The following PCDHGA3 variants were observed in gnomAD, a reference collection of about 807,000 sequenced individuals.
PCDHGA3 encodes the protein protocadherin gamma subfamily A, 3, also known as protocadherin gamma-A3.
A neutral mutation model predicts 58.5 loss-of-function variants in PCDHGA3; 40 were observed. That is an observed-to-expected ratio of 0.68 (90% CI 0.53 to 0.89). The LOEUF (loss-of-function observed/expected upper bound fraction) is 0.89, where lower values mean the gene tolerates loss of function less well. Ranked by LOEUF, PCDHGA3 falls within the 40% of genes least tolerant of loss-of-function variation. PCDHGA3 has a pLI of 0.00. For missense variants in PCDHGA3, 1,223 were observed against 1,195.9 expected, an observed-to-expected ratio of 1.02 and a Z score of -0.33; for synonymous variants, 530 against 525.7, an observed-to-expected ratio of 1.01 and a Z score of -0.11.
chr5:141,487,467 T>C lies in PCDHGA3; in HGVS notation c.2425-7340T>C. ...GATGACCCTATCAAGTTTGTTGATG[T>C]GGGAGGCCACTCTCATGGCTGTACA... On this transcript the variant is annotated intron_variant, in intron 1 of 3. Transcript: ENST00000253812. The surrounding 1 kb of genome is among the most constrained non-coding windows in gnomAD (Gnocchi z 5.0). 6.2e-7 allele frequency: 1 copy of C among 1,614,186 alleles called. No individual in the cohort carries two copies. The highest frequency in any genetic ancestry group is 8.5e-7 in the Non-Finnish European group (1 of 1,180,026).
rs766078622 is a variant in PCDHGA3, at chr5:141,346,265, C to A, written c.2232C>A (p.Asp744Glu). Residue 744 changes from aspartate to glutamate, a missense_variant, in exon 1 of 4, where the codon GAC becomes GAA. This residue lies in a region of PCDHGA3 where 325 missense variants were observed against 327.5 expected (regional missense o/e 0.99). Transcript: ENST00000253812. ...STPGSHFVGA[D>E]GVRAFLQTYS... ...CCGGCTCGCACTTTGTGGGCGCGGACGGGGTTCGGGCTTTCCTGCAGACCT... is the reference window on the plus strand; with the variant it reads ...CCGGCTCGCACTTTGTGGGCGCGGAAGGGGTTCGGGCTTTCCTGCAGACCT... 4 of 1,614,172 alleles carry A rather than the reference C, an allele frequency of 2.5e-6. No homozygotes were observed. Among genetic ancestry groups the A allele is most frequent in the Non-Finnish European group, 2.5e-6 (3 of 1,180,022 alleles).
chr5:141,488,714 A>G (rs2099678684), intron 1 of PCDHGA3, among the ~76,000 whole-genome samples: 1 of 152,192 alleles, frequency 6.6e-6, no homozygotes, highest in Non-Finnish European at 1.5e-5. Flanking sequence ...TGGTTCAAGC[A>G]AAGTGGTGGA....
At chr5:141,498,338 G>A (rs2237079) in intron 2 of PCDHGA3, among the ~76,000 whole-genome samples, 68,665 of 151,630 alleles carry the variant, frequency 0.45, 15,766 homozygotes, top group Admixed American at 0.55. Flanking sequence ...CATTCCAAAT[G>A]GGAAAAGCCT....
intron 1 of PCDHGA3, chr5:141,388,815 A>G: frequency 1.2e-6 from 2 of 1,613,992 alleles, no homozygotes; most frequent in Non-Finnish European, 1.7e-6. Flanking sequence ...TGAAGAAGTC[A>G]AAGAATATTC....
At chr5:141,393,275 C>T (rs769641711) in intron 1 of PCDHGA3, 4 of 1,613,828 alleles carry the variant, frequency 2.5e-6, no homozygotes, top group East Asian at 4.5e-5. Context: ...GTTATCCACT[C>T]CCAGAAGCTG....
At chr5:141,362,741 T>C in intron 1 of PCDHGA3, 1 of 734,108 alleles carries the variant, frequency 1.4e-6, no homozygotes, top group Non-Finnish European at 2.2e-6. Flanking sequence ...TATTTACCCA[T>C]GATTGCAAAC....
chr5:141,496,287 C>T (rs768553690), intron 2 of PCDHGA3, among the ~76,000 whole-genome samples: 3 of 152,200 alleles, frequency 2.0e-5, no homozygotes, highest in Non-Finnish European at 4.4e-5. Flanking sequence ...TTGGTCTGAG[C>T]AGAGTGGGAT....
Position 141,487,870 on chromosome 5 carries a change from C to A in PCDHGA3, c.2425-6937C>A. On this transcript the variant is annotated intron_variant, in intron 1 of 3. Transcript: ENST00000253812. This position sits in a 1 kb window ranked among gnomAD's most constrained non-coding sequence, Gnocchi z 5.0. ...AATGAAAGTAATTGGTGATCAAGAGCCAGGCTGTTGTGGAAGCATGATGAT... is the reference window on the plus strand; with the variant it reads ...AATGAAAGTAATTGGTGATCAAGAGACAGGCTGTTGTGGAAGCATGATGAT... 3.5e-6 allele frequency: 3 copies of A among 865,052 alleles called. No individual in the cohort carries two copies. The highest frequency in any genetic ancestry group is 5.3e-6 in the Non-Finnish European group (3 of 568,628). The allele number at this position is 865,052 out of a possible 1,614,324, so 53.6% of individuals were successfully genotyped here.
At chr5:141,448,139 C>A (rs1486636157) in intron 1 of PCDHGA3, among the ~76,000 whole-genome samples, 1 of 151,884 alleles carries the variant, frequency 6.6e-6, no homozygotes, top group African/African-American at 2.4e-5. Context: ...CCTCACTATA[C>A]CTCAGACTCA....
At position 141,344,094 on chromosome 5, in the gene PCDHGA3, G is replaced by C. The variant is rs1253860852; in HGVS notation, c.61G>C (p.Gly21Arg). 6.2e-7 allele frequency: 1 copy of C among 1,613,658 alleles called. No individual in the cohort carries two copies. Among genetic ancestry groups the C allele is most frequent in the African/African-American group, 1.3e-5 (1 of 75,056 alleles). Reference sequence around the variant, plus strand: ...ACTGGCCCTGCTGTGCGCGCTCCTGGGGACGCTGTGCGAAACAGGATCCGG... The same window carrying C: ...ACTGGCCCTGCTGTGCGCGCTCCTGCGGACGCTGTGCGAAACAGGATCCGG... ...RGLALLCALL[G>R]TLCETGSGQI... The change falls in exon 1 of 4, where the codon GGG becomes CGG. Residue 21 changes from glycine (G) to arginine (R), a missense_variant. Coordinates refer to ENST00000253812, the MANE Select transcript of PCDHGA3 (RefSeq NM_018916.4).
chr5:141,359,993 C>T (rs1761386380), intron 1 of PCDHGA3: 1 of 1,050,006 alleles, frequency 9.5e-7, no homozygotes, highest in Admixed American at 3.2e-5. Flanking sequence ...AGGGGAACTT[C>T]CTGCACAAAC....
At chr5:141,366,229 G>A in intron 1 of PCDHGA3, 2 of 1,613,808 alleles carry the variant, frequency 1.2e-6, no homozygotes, top group Non-Finnish European at 1.7e-6. Context: ...GAGCCCTGCT[G>A]GACAGAGACG....
intron 1 of PCDHGA3, chr5:141,376,579 T>C: frequency 6.3e-7 from 1 of 1,590,894 alleles, no homozygotes; most frequent in Non-Finnish European, 8.6e-7. Context: ...GACAGGCTCA[T>C]CAGCTAGATC....
chr5:141,426,887 G>A (rs1309180455), intron 1 of PCDHGA3: 1 of 456,646 alleles, frequency 2.2e-6, no homozygotes, highest in Non-Finnish European at 4.4e-6. Context: ...TGGGCCAGGA[G>A]CAACAGAGCT....
chr5:141,422,723 G>A lies in PCDHGA3; in HGVS notation c.2425-72084G>A. The stretch of plus-strand genomic sequence containing the variant: ...TCTCTGACGGATGACACTGTCCAGG[G>A]GGTGCCTCTGTCCTCCTATGTCTCT... On this transcript the variant is annotated intron_variant, in intron 1 of 3. Coordinates refer to ENST00000253812, the MANE Select transcript of PCDHGA3 (RefSeq NM_018916.4). The A allele has an allele frequency of 1.2e-6, 2 of 1,605,958 alleles. No homozygotes were observed. The highest frequency in any genetic ancestry group is 1.7e-6 in the Non-Finnish European group (2 of 1,175,478).
intron 1 of PCDHGA3, chr5:141,428,502 G>T: frequency 7.1e-6 from 2 of 282,686 alleles, no homozygotes; most frequent in Non-Finnish European, 6.9e-6. Flanking sequence ...ATGTTCCCTC[G>T]GATTCTAGAA....
intron 1 of PCDHGA3, among the ~76,000 whole-genome samples, chr5:141,437,457 T>C (rs527469937): frequency 7.2e-5 from 11 of 152,358 alleles, no homozygotes; most frequent in Non-Finnish European, 1.5e-4. Flanking sequence ...GAGGAGACTA[T>C]ACTATACTTT....
At chr5:141,350,351 A>T (rs773201004) in intron 1 of PCDHGA3, 16 of 1,561,252 alleles carry the variant, frequency 1.0e-5, no homozygotes, top group Non-Finnish European at 1.3e-5. Flanking sequence ...CTCCCAGCAG[A>T]TCCGATACAC....
rs186109113 is a variant in PCDHGA3, at chr5:141,415,284, G to C, written c.2424+68827G>C. ...TGTACCTGGTGGTAGCGGTGGCCGCGGTCTCCTGCGTCTTCCTGGCCTTCG... is the reference window on the plus strand; with the variant it reads ...TGTACCTGGTGGTAGCGGTGGCCGCCGTCTCCTGCGTCTTCCTGGCCTTCG... On this transcript the variant is annotated intron_variant, in intron 1 of 3. Transcript: ENST00000253812. 4,314 of 1,614,198 alleles carry C rather than the reference G, an allele frequency of 2.7e-3. 11 individuals are homozygous for C. The highest frequency in any genetic ancestry group is 7.3e-3 in the Middle Eastern group (44 of 6,062).
Sources: allele counts gnomAD v4.1 joint callset (sites outside exome capture counted in the v4.1 genomes callset), GRCh38; gene constraint gnomAD v4.1.1; regional missense constraint gnomAD v4.1.1; non-coding constraint Gnocchi (gnomAD v3.1); transcripts MANE v1.5; gene names NCBI Gene and HGNC (gene_info 2026-07-23, HGNC 2026-07-21).